The following NRXN1 variants were observed in gnomAD, a reference collection of about 807,000 sequenced individuals.
NRXN1 encodes neurexin 1, also known as neurexin-1.
In NRXN1, 39 loss-of-function variants were observed where a neutral mutation model predicts 150.9. The observed-to-expected ratio is 0.26, with a 90% CI of 0.20 to 0.34. The LOEUF is 0.34. NRXN1 is among the 10% of genes least tolerant of loss of function. The probability of loss-of-function intolerance (pLI) is 1.00; values close to 1 mark genes in which losing one functional copy is unlikely to be tolerated. For missense variants in NRXN1, 1,815 were observed against 1,949.9 expected, an observed-to-expected ratio of 0.93 and a Z score of 1.30; for synonymous variants, 924 against 757.0, an observed-to-expected ratio of 1.22 and a Z score of -3.62.
rs1311191796 is a variant in NRXN1 at position 50,532,999 on chromosome 2, T to C, written c.2144-1569A>G. On this transcript the variant is annotated intron_variant, in intron 10 of 22. Transcript: ENST00000401669. ...ACAGCATAGCAATTAAGTGTACTGA[T>C]ACAACTGTGTTCAATATTAGGACTA... Among the ~76,000 whole-genome samples the C allele has an allele frequency of 2.6e-5, 4 of 152,212 alleles. No homozygotes were observed. The East Asian group carries it at 7.7e-4, about 29-fold the overall frequency.
intron 21 of NRXN1, among the ~76,000 whole-genome samples, chr2:49,994,689 A>G (rs1347847710): frequency 6.6e-6 from 1 of 152,208 alleles, no homozygotes; most frequent in Admixed American, 6.5e-5. Flanking sequence ...TAAACCCCAG[A>G]GGCAAACTTA....
intron 2 of NRXN1, among the ~76,000 whole-genome samples, chr2:50,944,480 A>G (rs1454797781): frequency 2.6e-5 from 4 of 152,214 alleles, no homozygotes; most frequent in Non-Finnish European, 5.9e-5. Context: ...TGTAACACAT[A>G]GCTAATGAAT....
In NRXN1 at chr2:50,081,798, A is replaced by G. The variant is rs532777537; in HGVS notation, c.3718+9525T>C. Among the ~76,000 whole-genome samples the G allele has an allele frequency of 3.9e-5, 6 of 152,304 alleles. No homozygotes were observed. In the East Asian group the frequency reaches 1.2e-3, roughly 29 times the overall value. On this transcript the variant is annotated intron_variant, in intron 19 of 22. Coordinates refer to ENST00000401669, the MANE Select transcript of NRXN1 (RefSeq NM_001330078.2). ...TAAATAAATATGTCTGTGCTATTTA[A>G]TAAAAGCTCCTGAAGATATAAGAAC...
intron 15 of NRXN1, among the ~76,000 whole-genome samples, chr2:50,489,573 A>G (rs1206133205): frequency 6.8e-6 from 1 of 146,652 alleles, no homozygotes; most frequent in Non-Finnish European, 1.5e-5. Flanking sequence ...TCTCATCTGT[A>G]AAAGGAATTG....
At chr2:50,650,570 A>G (rs999221154) in intron 5 of NRXN1, among the ~76,000 whole-genome samples, 2 of 152,094 alleles carry the variant, frequency 1.3e-5, no homozygotes, top group African/African-American at 4.8e-5. Context: ...TCCAGAGGTC[A>G]GAAAAACAAA....
At chr2:50,550,967 C>T (rs1164763303) in intron 9 of NRXN1, among the ~76,000 whole-genome samples, 3 of 151,572 alleles carry the variant, frequency 2.0e-5, no homozygotes. Flanking sequence ...GGGCGTGAGC[C>T]ACCGCGCCCA....
At chr2:50,057,395 T>A (rs572117102) in intron 19 of NRXN1, among the ~76,000 whole-genome samples, 4 of 152,334 alleles carry the variant, frequency 2.6e-5, no homozygotes, top group Admixed American at 2.6e-4. Context: ...ATTAATGGAA[T>A]CTTCTTGGTA....
chr2:50,935,734 A>G (rs1206719719), intron 2 of NRXN1, among the ~76,000 whole-genome samples: 2 of 152,080 alleles, frequency 1.3e-5, no homozygotes, highest in Non-Finnish European at 2.9e-5. Context: ...CAAAAACAAA[A>G]AAGTAACCCG....
At chr2:50,458,337 AAAGAT>A (rs1558766669) in intron 17 of NRXN1, among the ~76,000 whole-genome samples, 1 of 152,130 alleles carries the variant, frequency 6.6e-6, no homozygotes. Context: ...ATACAAAGAT[AAAGAT>A]AAGTAGAAGA....
chr2:50,507,337 G>C (rs1037790351), intron 12 of NRXN1, among the ~76,000 whole-genome samples: 1 of 151,264 alleles, frequency 6.6e-6, no homozygotes, highest in African/African-American at 2.4e-5. Context: ...GTAGGTATAA[G>C]TATTGACTCA....
At chr2:50,697,160 T>G (rs150860603) in intron 5 of NRXN1, among the ~76,000 whole-genome samples, 1,823 of 152,300 alleles carry the variant, frequency 0.012, 31 homozygotes, top group African/African-American at 0.041. Context: ...AAATAAAATA[T>G]ACTTTACAGG....
intron 17 of NRXN1, among the ~76,000 whole-genome samples, chr2:50,328,535 G>C (rs2076535854): frequency 6.6e-6 from 1 of 152,004 alleles, no homozygotes; most frequent in Non-Finnish European, 1.5e-5. Context: ...AGGAGTTCGA[G>C]ACCAGCCTGG....
chr2:50,138,699 C>T (rs1333966929), intron 18 of NRXN1, among the ~76,000 whole-genome samples: 1 of 152,162 alleles, frequency 6.6e-6, no homozygotes, highest in Admixed American at 6.6e-5. Flanking sequence ...TGTACTTACA[C>T]ATTTAACAGT....
chr2:51,011,464 A>G (rs1667848104), intron 2 of NRXN1, among the ~76,000 whole-genome samples: 1 of 151,984 alleles, frequency 6.6e-6, no homozygotes, highest in South Asian at 2.1e-4. Flanking sequence ...CCTGCTGGAG[A>G]ACCAGGGGTG....
At chr2:50,467,653 GTAA>G (rs534629820) in intron 16 of NRXN1, among the ~76,000 whole-genome samples, 318 of 150,754 alleles carry the variant, frequency 2.1e-3, no homozygotes, top group Non-Finnish European at 2.2e-3. Context: ...TCTTAATTCT[GTAA>G]TAATAATAAT....
intron 5 of NRXN1, among the ~76,000 whole-genome samples, chr2:50,767,614 A>C (rs1338711866): frequency 1.3e-5 from 2 of 152,102 alleles, no homozygotes; most frequent in Non-Finnish European, 2.9e-5. Context: ...GTCATAGTCA[A>C]GTTGACCTGG....
chr2:50,396,419 T>G (rs2082054026), intron 17 of NRXN1, among the ~76,000 whole-genome samples: 2 of 152,186 alleles, frequency 1.3e-5, no homozygotes, highest in African/African-American at 4.8e-5. Flanking sequence ...TAGCTACACA[T>G]AGCAAACAAT....
intron 5 of NRXN1, among the ~76,000 whole-genome samples, chr2:50,747,066 ACT>A (rs1700110326): frequency 6.6e-6 from 1 of 151,970 alleles, no homozygotes; most frequent in Non-Finnish European, 1.5e-5. Flanking sequence ...CTTTTCTTGT[ACT>A]CTCTGTGTTT....
intron 2 of NRXN1, among the ~76,000 whole-genome samples, chr2:51,019,186 G>T (rs947966246): frequency 9.9e-5 from 15 of 152,146 alleles, no homozygotes; most frequent in African/African-American, 3.6e-4. Context: ...GCCTGCTAAG[G>T]TATTGGGCAT....
Sources: allele counts gnomAD v4.1 joint callset (sites outside exome capture counted in the v4.1 genomes callset), GRCh38; gene constraint gnomAD v4.1.1; transcripts MANE v1.5; gene names NCBI Gene and HGNC (gene_info 2026-07-23, HGNC 2026-07-21).